ZBTB20: variants seen among roughly 807,000 people sequenced by gnomAD.
ZBTB20 encodes zinc finger and BTB domain-containing protein 20.
A neutral mutation model predicts 56.9 loss-of-function variants in ZBTB20; 9 were observed. The observed-to-expected ratio is 0.16, with a 90% CI of 0.10 to 0.28. ZBTB20 has a LOEUF of 0.28. Ranked by LOEUF, ZBTB20 falls within the 10% of genes least tolerant of loss-of-function variation. ZBTB20 has a pLI of 1.00. For synonymous variants in ZBTB20, 417 were observed against 420.7 expected (o/e 0.99, Z 0.11); for missense variants, 655 against 1,003.0 (o/e 0.65, Z 4.69).
chr3:115,092,776 T>A (rs1445359493), intron 1 of ZBTB20, among the ~76,000 whole-genome samples: 1 of 152,124 alleles, frequency 6.6e-6, no homozygotes, highest in East Asian at 1.9e-4. Flanking sequence ...GACAAATGAC[T>A]ATTTTTGGTT....
chr3:114,919,864 T>A (rs2075891026), intron 3 of ZBTB20, among the ~76,000 whole-genome samples: 1 of 152,064 alleles, frequency 6.6e-6, no homozygotes, highest in African/African-American at 2.4e-5. Context: ...AATCCAACAA[T>A]ATGCTGCCTA....
intron 3 of ZBTB20, among the ~76,000 whole-genome samples, chr3:114,918,797 C>A (rs941405989): frequency 1.3e-5 from 2 of 152,224 alleles, no homozygotes; most frequent in African/African-American, 4.8e-5. Flanking sequence ...AAAGGAGTCT[C>A]TTTCAGAGCT....
chr3:114,411,888 C>T (rs1333388921), intron 7 of ZBTB20, among the ~76,000 whole-genome samples: 3 of 152,078 alleles, frequency 2.0e-5, no homozygotes, highest in African/African-American at 7.2e-5. Context: ...GACTGAATGT[C>T]CAGATGCAAG....
At chr3:114,395,360 C>A (rs1170817848) in intron 7 of ZBTB20, among the ~76,000 whole-genome samples, 2 of 152,044 alleles carry the variant, frequency 1.3e-5, no homozygotes, top group East Asian at 1.9e-4. Flanking sequence ...TCCGATGAGA[C>A]ATTTAACCTC....
chr3:115,067,698 G>C (rs1176242580), intron 2 of ZBTB20, among the ~76,000 whole-genome samples: 1 of 151,978 alleles, frequency 6.6e-6, no homozygotes, highest in African/African-American at 2.4e-5. Context: ...ATTCAAACTG[G>C]CTTCTAAGCA....
intron 6 of ZBTB20, among the ~76,000 whole-genome samples, chr3:114,672,700 G>A (rs956733581): frequency 6.6e-6 from 1 of 152,152 alleles, no homozygotes; most frequent in Non-Finnish European, 1.5e-5. Context: ...TTTCCTGGAA[G>A]CGCTGTAGCG....
intron 6 of ZBTB20, among the ~76,000 whole-genome samples, chr3:114,660,468 T>C (rs1479061859): frequency 2.0e-5 from 3 of 152,194 alleles, no homozygotes; most frequent in African/African-American, 4.8e-5. Flanking sequence ...CTAGCCACAA[T>C]GGAATTTCCC....
At chr3:115,127,844 G>A (rs1325099966) in intron 1 of ZBTB20, among the ~76,000 whole-genome samples, 2 of 152,134 alleles carry the variant, frequency 1.3e-5, no homozygotes, top group Non-Finnish European at 2.9e-5. Flanking sequence ...GAAGACACCA[G>A]AATTCAGAGT....
intron 7 of ZBTB20, among the ~76,000 whole-genome samples, chr3:114,499,131 A>G (rs1434207639): frequency 1.3e-5 from 2 of 152,212 alleles, no homozygotes; most frequent in African/African-American, 4.8e-5. Flanking sequence ...GACATCCTCC[A>G]AAGCATTTAC....
intron 4 of ZBTB20, among the ~76,000 whole-genome samples, chr3:114,866,527 A>G (rs951641896): frequency 6.6e-6 from 1 of 152,180 alleles, no homozygotes; most frequent in Admixed American, 6.5e-5. Flanking sequence ...CATTTGGTCA[A>G]ACATTATTTG....
At chr3:114,433,926 T>G (rs562878085) in intron 7 of ZBTB20, among the ~76,000 whole-genome samples, 1 of 152,282 alleles carries the variant, frequency 6.6e-6, no homozygotes. Context: ...ATTGGAGGGT[T>G]AGCTAGGCTG....
intron 4 of ZBTB20, among the ~76,000 whole-genome samples, chr3:114,812,688 G>A (rs1271220991): frequency 2.0e-5 from 3 of 152,214 alleles, no homozygotes; most frequent in East Asian, 1.9e-4. Context: ...GTCCGTCGCC[G>A]TGGGCCCGCA....
At chr3:114,634,611 T>C (rs1317563602) in intron 6 of ZBTB20, among the ~76,000 whole-genome samples, 2 of 152,182 alleles carry the variant, frequency 1.3e-5, no homozygotes, top group African/African-American at 4.8e-5. Flanking sequence ...TGCAAATATA[T>C]TCAGATTGTA....
Position 114,324,398 on chromosome 3 carries a change from TA to T in ZBTB20, c.*14606del, listed in dbSNP as rs1432925533. ...GTGCAATCAGCTATTCCTCAAGGGCTACAGGCAGCAGCCACCTAACATAACA... is the reference window on the plus strand; with the variant it reads ...GTGCAATCAGCTATTCCTCAAGGGCTCAGGCAGCAGCCACCTAACATAACA... On this transcript the variant is annotated 3_prime_UTR_variant, in exon 12 of 12. Transcript: ENST00000675478. The T allele has an allele frequency of 3.3e-5, 5 of 152,194 alleles. No homozygotes were observed. The highest frequency in any genetic ancestry group is 7.3e-5 in the Non-Finnish European group (5 of 68,042). The allele number at this position is 152,194 out of a possible 1,614,324, so 9.4% of individuals were successfully genotyped here. A position where few individuals can be genotyped will look rare whatever the true frequency, so the allele number is the denominator to read the frequency against.
At chr3:114,701,941 T>C (rs2063410869) in intron 5 of ZBTB20, among the ~76,000 whole-genome samples, 1 of 152,142 alleles carries the variant, frequency 6.6e-6, no homozygotes, top group Non-Finnish European at 1.5e-5. Context: ...AAATGCACAA[T>C]CTCCTAGAAA....
chr3:115,129,346 G>A (rs2084433848), intron 1 of ZBTB20, among the ~76,000 whole-genome samples: 1 of 152,112 alleles, frequency 6.6e-6, no homozygotes, highest in African/African-American at 2.4e-5. Flanking sequence ...CAGAATCTAG[G>A]TATCTTTAAT....
In ZBTB20 at chr3:114,651,095, T is replaced by C. The variant is rs575395888; in HGVS notation, c.-295+42433A>G. On this transcript the variant is annotated intron_variant, in intron 6 of 11. Transcript: ENST00000675478. ...ATCAAAATGTAGTTGCCATCTGGCATTGATAGACTGGGCTAGAATATGTGT... is the reference window on the plus strand; with the variant it reads ...ATCAAAATGTAGTTGCCATCTGGCACTGATAGACTGGGCTAGAATATGTGT... Among the ~76,000 whole-genome samples, 106 of 152,236 alleles carry C rather than the reference T, an allele frequency of 7.0e-4. 1 individual carries two copies. The highest frequency in any genetic ancestry group is 3.4e-3 in the Middle Eastern group (1 of 294).
chr3:114,763,995 A>G (rs1281258734), intron 5 of ZBTB20, among the ~76,000 whole-genome samples: 1 of 152,192 alleles, frequency 6.6e-6, no homozygotes, highest in Non-Finnish European at 1.5e-5. Flanking sequence ...AGGGAGCAGG[A>G]CTGCCTTTTC....
chr3:114,603,523 C>T (rs138359408), intron 6 of ZBTB20, among the ~76,000 whole-genome samples: 1 of 151,810 alleles, frequency 6.6e-6, no homozygotes, highest in Non-Finnish European at 1.5e-5. Context: ...TTACCTATAA[C>T]TCATTATCTA....
Sources: allele counts gnomAD v4.1 joint callset (sites outside exome capture counted in the v4.1 genomes callset), GRCh38; gene constraint gnomAD v4.1.1; transcripts MANE v1.5; gene names NCBI Gene and HGNC (gene_info 2026-07-23, HGNC 2026-07-21).